The following DMRT2 variants were observed in gnomAD, a reference collection of about 807,000 sequenced individuals.
DMRT2 encodes the protein doublesex and mab-3 related transcription factor 2, also known as doublesex- and mab-3-related transcription factor 2.
A neutral mutation model predicts 43.5 loss-of-function variants in DMRT2; 33 were observed. The observed-to-expected ratio is 0.76, with a 90% CI of 0.58 to 1.01. DMRT2 has a LOEUF of 1.01. Among genes scored for constraint, DMRT2 ranks in the 50% least tolerant of loss-of-function variants. The pLI, the probability that DMRT2 is intolerant of heterozygous loss-of-function variation, is 0.00. For missense variants in DMRT2, 1,064 were observed against 748.0 expected (o/e 1.42, Z -4.93); for synonymous variants, 395 against 309.2 (o/e 1.28, Z -2.91).
chr9:1,051,532 C>A lies in DMRT2; in HGVS notation c.-44-38C>A. 1.4e-6 allele frequency: 2 copies of A among 1,424,968 alleles called. No individual in the cohort carries two copies. The highest frequency in any genetic ancestry group is 3.0e-5 in the Admixed American group (1 of 33,884). The allele number at this position is 1,424,968 out of a possible 1,614,324, so 88.3% of individuals were successfully genotyped here. On this transcript the variant is annotated intron_variant, in intron 1 of 3. Coordinates refer to ENST00000358146, the MANE Select transcript of DMRT2 (RefSeq NM_181872.6). This position sits in a 1 kb window ranked among gnomAD's most constrained non-coding sequence, Gnocchi z 5.9. ...GAGGCTCAGGGATGGTCCCTGACGGCGGCCGGTGGGTCTTTGGATTTCTTT... is the reference window on the plus strand; with the variant it reads ...GAGGCTCAGGGATGGTCCCTGACGGAGGCCGGTGGGTCTTTGGATTTCTTT...
Position 1,057,309 on chromosome 9 carries a change from T to C in DMRT2, c.*36T>C, listed in dbSNP as rs1278316105. 5 of 1,558,100 alleles carry C rather than the reference T, an allele frequency of 3.2e-6. No homozygotes were observed. The African/African-American group carries it at 5.5e-5, about 17-fold the overall frequency. On this transcript the variant is annotated 3_prime_UTR_variant, in exon 4 of 4. Transcript: ENST00000358146. ...AAACAGAAAGCTGGATTTTCTGCAGTCTTAGAGCATTATAGCCATTTGCTA... is the reference window on the plus strand; with the variant it reads ...AAACAGAAAGCTGGATTTTCTGCAGCCTTAGAGCATTATAGCCATTTGCTA...
rs902608185 is a variant in DMRT2 at position 1,057,387 on chromosome 9, A to T, written c.*114A>T. ...TAAAGAAATTTCTAATGTAAAGATG[A>T]TGATTTTGAAAAATTTTATATATTC... On this transcript the variant is annotated 3_prime_UTR_variant, in exon 4 of 4. Coordinates refer to ENST00000358146, the MANE Select transcript of DMRT2 (RefSeq NM_181872.6). The T allele has an allele frequency of 1.2e-5, 15 of 1,243,200 alleles. No individual in the cohort carries two copies. The African/African-American group carries it at 1.8e-4, about 15-fold the overall frequency. 77.0% of individuals were successfully genotyped at this position (1,243,200 alleles called of 1,614,324 possible).
intron 3 of DMRT2, chr9:1,054,771 A>G (rs993376231): frequency 5.9e-5 from 9 of 152,260 alleles, no homozygotes; most frequent in Non-Finnish European, 1.2e-4. Flanking sequence ...CTGCCACTTC[A>G]TGAAATTCAG....
At chr9:1,053,219 C>T (rs997719893) in intron 2 of DMRT2, 1 of 152,584 alleles carries the variant, frequency 6.6e-6, no homozygotes, top group African/African-American at 2.4e-5. Context: ...GCAGCCGGAC[C>T]CAGGAGACCC....
At chr9:1,054,408 C>G (rs1586736806) in intron 3 of DMRT2, among the ~76,000 whole-genome samples, 1 of 138,150 alleles carries the variant, frequency 7.2e-6, no homozygotes, top group South Asian at 2.3e-4. Flanking sequence ...TTTCATTGTA[C>G]TTTTTTTTTT....
Position 1,051,846 on chromosome 9 carries a change from C to A in DMRT2, c.233C>A (p.Pro78Gln). ...AGASPGMPGQPEQRGGPQPRP... is the reference protein window; with the variant it reads ...AGASPGMPGQQEQRGGPQPRP... The stretch of plus-strand genomic sequence containing the variant: ...GCGTCCCCCGGGATGCCCGGCCAGC[C>A]GGAGCAGCGGGGGGGACCGCAGCCG... Residue 78 changes from proline (P) to glutamine (Q), a missense_variant, in exon 2 of 4, where the codon CCG (proline) becomes CAG (glutamine). Coordinates refer to ENST00000358146, the MANE Select transcript of DMRT2 (RefSeq NM_181872.6). The surrounding 1 kb of genome is among the most constrained non-coding windows in gnomAD (Gnocchi z 5.9). 7.0e-7 allele frequency: 1 copy of A among 1,421,836 alleles called. No individual in the cohort carries two copies. Among genetic ancestry groups the A allele is most frequent in the Non-Finnish European group, 9.1e-7 (1 of 1,096,892 alleles). 88.1% of individuals were successfully genotyped at this position (1,421,836 alleles called of 1,614,324 possible). A position where few individuals can be genotyped will look rare whatever the true frequency, so the allele number is the denominator to read the frequency against.
Position 1,052,004 on chromosome 9 carries a change from G to A in DMRT2, c.391G>A (p.Val131Met). The A allele has an allele frequency of 2.1e-6, 3 of 1,462,968 alleles. No homozygotes were observed. Among genetic ancestry groups the A allele is most frequent in the African/African-American group, 2.9e-5 (2 of 68,014 alleles). 90.6% of individuals were successfully genotyped at this position (1,462,968 alleles called of 1,614,324 possible). The change falls in exon 2 of 4, where the codon GTG becomes ATG. Residue 131 changes from valine (V) to methionine (M), a missense_variant. Coordinates refer to ENST00000358146, the MANE Select transcript of DMRT2 (RefSeq NM_181872.6). ...GTGCGCGCGCTGCCGCAACCACGGC[G>A]TGGTGTCCTGCCTGAAGGGCCACAA... ...PKCARCRNHG[V>M]VSCLKGHKRF...
chr9:1,056,713 T>C lies in DMRT2; in HGVS notation c.1126T>C (p.Trp376Arg). Residue 376 changes from tryptophan (W) to arginine (R), a missense_variant, in exon 4 of 4, where the codon TGG (tryptophan) becomes CGG (arginine). By Grantham distance (101) the Trp-to-Arg change is moderately radical. Coordinates refer to ENST00000358146, the MANE Select transcript of DMRT2 (RefSeq NM_181872.6). ...SVQALKPGASWDLKGARVQDG... is the reference protein window; with the variant it reads ...SVQALKPGASRDLKGARVQDG... Reference sequence around the variant, plus strand: ...TCAAGCCCTGAAGCCTGGGGCCAGCTGGGACTTGAAGGGAGCACGAGTCCA... The same window carrying C: ...TCAAGCCCTGAAGCCTGGGGCCAGCCGGGACTTGAAGGGAGCACGAGTCCA... 6.2e-7 allele frequency: 1 copy of C among 1,614,106 alleles called. No homozygotes were observed. The highest frequency in any genetic ancestry group is 8.5e-7 in the Non-Finnish European group (1 of 1,180,022).
chr9:1,053,173 G>C (rs940016877), intron 2 of DMRT2: 2 of 152,560 alleles, frequency 1.3e-5, no homozygotes, highest in South Asian at 4.1e-4. Context: ...CTGCAGAGGC[G>C]AGGGTGGGTG....
In DMRT2 at chr9:1,051,575, G is replaced by A. The variant is rs749177668; in HGVS notation, c.-39G>A. 4.0e-6 allele frequency: 6 copies of A among 1,482,266 alleles called. No individual in the cohort carries two copies. The highest frequency in any genetic ancestry group is 5.3e-6 in the Non-Finnish European group (6 of 1,126,958). 91.8% of individuals were successfully genotyped at this position (1,482,266 alleles called of 1,614,324 possible). A position where few individuals can be genotyped will look rare whatever the true frequency, so the allele number is the denominator to read the frequency against. ...ATTTCTTTGTGTTTCCCCAGAGTGAGGGCCGCCAGGCTCAGGCCCCAGCGA... is the reference window on the plus strand; with the variant it reads ...ATTTCTTTGTGTTTCCCCAGAGTGAAGGCCGCCAGGCTCAGGCCCCAGCGA... On this transcript the variant is annotated 5_prime_UTR_variant, in exon 2 of 4. Coordinates refer to ENST00000358146, the MANE Select transcript of DMRT2 (RefSeq NM_181872.6). The surrounding 1 kb of genome is among the most constrained non-coding windows in gnomAD (Gnocchi z 5.9).
chr9:1,054,878 G>A (rs1821862362), intron 3 of DMRT2, among the ~76,000 whole-genome samples: 1 of 151,036 alleles, frequency 6.6e-6, no homozygotes, highest in Admixed American at 6.6e-5. Flanking sequence ...GTTTGTGTGT[G>A]TCCTATAAAA....
chr9:1,052,170 C>T, intron 2 of DMRT2, 32 bp downstream of exon 2: 1 of 1,332,236 alleles, frequency 7.5e-7, no homozygotes. Context: ...GCGTCTCAGG[C>T]CACAGTGGAG....
At position 1,056,887 on chromosome 9, in the gene DMRT2, C is replaced by G. The variant is rs147461872; in HGVS notation, c.1300C>G (p.Arg434Gly). The change falls in exon 4 of 4, where the codon CGG (arginine) becomes GGG (glycine). Residue 434 changes from arginine to glycine, a missense_variant. By Grantham distance (125) the Arg-to-Gly change is moderately radical. Coordinates refer to ENST00000358146, the MANE Select transcript of DMRT2 (RefSeq NM_181872.6). ...PERSAFSPPR[R>G]NFSPIVDTDS... ...GAGGTCCGCGTTCTCCCCACCCCGACGGAATTTCTCTCCCATTGTTGACAC... is the reference window on the plus strand; with the variant it reads ...GAGGTCCGCGTTCTCCCCACCCCGAGGGAATTTCTCTCCCATTGTTGACAC... The G allele has an allele frequency of 4.5e-4, 726 of 1,614,150 alleles. 3 individuals are homozygous for G. The highest frequency in any genetic ancestry group is 3.6e-3 in the Middle Eastern group (22 of 6,062).
intron 2 of DMRT2, among the ~76,000 whole-genome samples, chr9:1,052,803 C>T (rs1424092496): frequency 6.6e-6 from 1 of 152,170 alleles, no homozygotes; most frequent in East Asian, 1.9e-4. Flanking sequence ...CGCTCTTGAA[C>T]CTTCGATTTT....
At position 1,056,935 on chromosome 9, in the gene DMRT2, C is replaced by T. The variant is rs1040299694; in HGVS notation, c.1348C>T (p.His450Tyr). ...VDTDSLAAQG[H>Y]VLTKISKENT... ...CACGGACTCCCTGGCAGCTCAAGGGCATGTCTTAACGAAGATCAGCAAAGA... is the reference window on the plus strand; with the variant it reads ...CACGGACTCCCTGGCAGCTCAAGGGTATGTCTTAACGAAGATCAGCAAAGA... Residue 450 changes from histidine (H) to tyrosine (Y), a missense_variant, in exon 4 of 4, where the codon CAT (histidine) becomes TAT (tyrosine). Transcript: ENST00000358146. 2 of 1,614,200 alleles carry T rather than the reference C, an allele frequency of 1.2e-6. No homozygotes were observed. Among genetic ancestry groups the T allele is most frequent in the Non-Finnish European group, 1.7e-6 (2 of 1,180,044 alleles).
At chr9:1,055,774 G>C in intron 3 of DMRT2, 1 of 1,505,722 alleles carries the variant, frequency 6.6e-7, no homozygotes, top group African/African-American at 1.5e-5. Flanking sequence ...ACCATCTTTA[G>C]AAAATAAAAG....
At position 1,056,963 on chromosome 9, in the gene DMRT2, A is replaced by G. The variant is rs1254091349; in HGVS notation, c.1376A>G (p.Asn459Ser). ...GTCTTAACGAAGATCAGCAAAGAAAACACCAGGCACCCTCTGCCACTTAGA... is the reference window on the plus strand; with the variant it reads ...GTCTTAACGAAGATCAGCAAAGAAAGCACCAGGCACCCTCTGCCACTTAGA... ...GHVLTKISKE[N>S]TRHPLPLRHN... The change falls in exon 4 of 4, where the codon AAC becomes AGC. Residue 459 changes from asparagine (N) to serine (S), a missense_variant. Coordinates refer to ENST00000358146, the MANE Select transcript of DMRT2 (RefSeq NM_181872.6). The G allele has an allele frequency of 9.9e-6, 16 of 1,614,146 alleles. No individual in the cohort carries two copies. The highest frequency in any genetic ancestry group is 1.4e-5 in the Non-Finnish European group (16 of 1,180,040).
At chr9:1,055,717 C>A in intron 3 of DMRT2, 1 of 1,452,932 alleles carries the variant, frequency 6.9e-7, no homozygotes, top group South Asian at 1.5e-5. Flanking sequence ...TCTCTTTTTT[C>A]CTAGTTCTCC....
Position 1,052,047 on chromosome 9 carries a change from G to T in DMRT2, c.434G>T (p.Arg145Leu). 1 of 1,471,872 alleles carries T rather than the reference G, an allele frequency of 6.8e-7. No homozygotes were observed. Among genetic ancestry groups the T allele is most frequent in the Non-Finnish European group, 8.9e-7 (1 of 1,118,016 alleles). 91.2% of individuals were successfully genotyped at this position (1,471,872 alleles called of 1,614,324 possible). The change falls in exon 2 of 4, where the codon CGC becomes CTC. Residue 145 changes from arginine to leucine, a missense_variant. By Grantham distance (102) the Arg-to-Leu change is moderately radical. Transcript: ENST00000358146. ...LKGHKRFCRW[R>L]DCQCANCLLV... ...GGCCACAAGCGCTTCTGTCGCTGGC[G>T]CGACTGCCAGTGCGCCAACTGCCTG...
Sources: allele counts gnomAD v4.1 joint callset (sites outside exome capture counted in the v4.1 genomes callset), GRCh38; gene constraint gnomAD v4.1.1; non-coding constraint Gnocchi (gnomAD v3.1); transcripts MANE v1.5; gene names NCBI Gene and HGNC (gene_info 2026-07-23, HGNC 2026-07-21).